Variants in TIAM2 observed in about 807,000 individuals in gnomAD.
TIAM2 encodes TIAM Rac1 associated GEF 2.
TIAM2 carries 80 observed loss-of-function variants against 152.9 expected under a neutral mutation model. That is an observed-to-expected ratio of 0.52 (90% CI 0.44 to 0.63). TIAM2 has a LOEUF of 0.63. TIAM2 is among the 30% of genes least tolerant of loss of function. The pLI is 0.00. For missense variants in TIAM2, 1,965 were observed against 2,120.1 expected (o/e 0.93, Z 1.44); for synonymous variants, 804 against 838.0 (o/e 0.96, Z 0.70).
intron 1 of TIAM2, among the ~76,000 whole-genome samples, chr6:155,076,269 T>C (rs1777958356): frequency 6.6e-6 from 1 of 152,184 alleles, no homozygotes; most frequent in Non-Finnish European, 1.5e-5. Context: ...GCTCAAATTA[T>C]ATTACTCTGT....
chr6:155,125,840 A>G (rs902438242), intron 2 of TIAM2, among the ~76,000 whole-genome samples: 2 of 152,308 alleles, frequency 1.3e-5, no homozygotes, highest in South Asian at 2.1e-4. Context: ...TCTGTCTCCA[A>G]AAAAAGAGAG....
chr6:155,125,777 G>T (rs1170247373), intron 2 of TIAM2, among the ~76,000 whole-genome samples: 1 of 152,012 alleles, frequency 6.6e-6, no homozygotes, highest in Non-Finnish European at 1.5e-5. Flanking sequence ...GGCGGAGGTT[G>T]CAGTGAGCCG....
intron 2 of TIAM2, among the ~76,000 whole-genome samples, chr6:155,097,775 G>A (rs576749592): frequency 1.3e-5 from 2 of 152,214 alleles, no homozygotes; most frequent in Admixed American, 6.5e-5. Context: ...TCTTCTGGCC[G>A]TTTCATATTT....
At chr6:155,161,291 A>T (rs1368555191) in intron 7 of TIAM2, among the ~76,000 whole-genome samples, 1 of 151,944 alleles carries the variant, frequency 6.6e-6, no homozygotes, top group Admixed American at 6.6e-5. Flanking sequence ...TGCTCAAGTG[A>T]TCCTCCCAAC....
chr6:155,254,549 C>T lies in TIAM2; in HGVS notation c.4444C>T (p.Arg1482Ter), dbSNP rs370090099. 1.5e-5 allele frequency: 24 copies of T among 1,612,422 alleles called. No homozygotes were observed. Among genetic ancestry groups the T allele is most frequent in the Non-Finnish European group, 2.0e-5 (23 of 1,178,678 alleles). The change falls in exon 26 of 27, where the codon CGA (arginine) becomes TGA (stop). Residue 1482 changes from arginine to a stop codon, truncating the protein, a stop_gained. Transcript: ENST00000682666. LOFTEE classifies it low-confidence loss of function (END_TRUNC). Reference sequence around the variant, plus strand: ...GGATCGCCTGGTACCTCTTAAGAACCGAGTTCCTGTTTCGGCCAAATTAGG... The same window carrying T: ...GGATCGCCTGGTACCTCTTAAGAACTGAGTTCCTGTTTCGGCCAAATTAGG... ...CKDRLVPLKN[R>*]VPVSAKLASS... is the part of the protein sequence containing the mutation.
At chr6:155,116,316 G>A (rs1779009416) in intron 2 of TIAM2, among the ~76,000 whole-genome samples, 1 of 152,086 alleles carries the variant, frequency 6.6e-6, no homozygotes, top group Admixed American at 6.6e-5. Context: ...GAAAATTTCA[G>A]CAATGATTGG....
intron 13 of TIAM2, 35 bp downstream of exon 13, chr6:155,182,353 A>T: frequency 1.3e-6 from 2 of 1,541,044 alleles, no homozygotes; most frequent in Non-Finnish European, 9.0e-7. Context: ...GTTGCCTCTT[A>T]ATTTGAAACT....
intron 25 of TIAM2, 118 bp downstream of exon 25, chr6:155,254,178 C>T: frequency 8.3e-7 from 1 of 1,200,580 alleles, no homozygotes; most frequent in South Asian, 1.5e-5. Context: ...TACTCCCCAC[C>T]CTCCGAAAAA....
chr6:155,172,087 A>G (rs540077115), intron 9 of TIAM2, among the ~76,000 whole-genome samples: 2 of 152,196 alleles, frequency 1.3e-5, no homozygotes, highest in Non-Finnish European at 2.9e-5. Context: ...GTAATTTGAC[A>G]TGTGGTTTCA....
rs1411469046 is a variant in TIAM2, at chr6:155,176,875, A to G, written c.2421A>G (p.Ala807=). The G allele has an allele frequency of 6.2e-7, 1 of 1,614,204 alleles. No homozygotes were observed. The highest frequency in any genetic ancestry group is 8.5e-7 in the Non-Finnish European group (1 of 1,180,002). ...TAGACGGTGTTCCCCGAGACAATGC[A>G]TGGGAAATCCAGACTTATGTCCACT... ...STVDGVPRDN[A]WEIQTYVHFQ... is the part of the protein sequence containing the mutation. The change falls in exon 10 of 27, where the codon GCA becomes GCG. Residue 807 remains alanine (A), a synonymous_variant. Coordinates refer to ENST00000682666, the MANE Select transcript of TIAM2 (RefSeq NM_012454.4).
At chr6:155,209,083 C>T (rs149398253) in intron 14 of TIAM2, among the ~76,000 whole-genome samples, 185 of 152,030 alleles carry the variant, frequency 1.2e-3, no homozygotes, top group African/African-American at 4.2e-3. Flanking sequence ...TTTAAGGGCC[C>T]AGGGAGAATT....
chr6:155,018,588 C>T (rs1157635950), intron 1 of TIAM2, among the ~76,000 whole-genome samples: 1 of 150,340 alleles, frequency 6.7e-6, no homozygotes, highest in East Asian at 2.0e-4. Context: ...CACTGCACTG[C>T]AGCCTGGGTG....
At position 155,186,591 on chromosome 6, in the gene TIAM2, T is replaced by C. The variant is rs989095404; in HGVS notation, c.3064+3091T>C. On this transcript the variant is annotated intron_variant, in intron 14 of 26. Transcript: ENST00000682666. The surrounding 1 kb of genome is among the most constrained non-coding windows in gnomAD (Gnocchi z 4.5). ...TTCTCCCCTGCCCCTGTGGTCCCTGTGAGTTTGGGGGAGTTCCTGTCTGTG... is the reference window on the plus strand; with the variant it reads ...TTCTCCCCTGCCCCTGTGGTCCCTGCGAGTTTGGGGGAGTTCCTGTCTGTG... 6.6e-6 allele frequency among the ~76,000 whole-genome samples: 1 copy of C among 152,190 alleles called. No individual in the cohort carries two copies. The highest frequency in any genetic ancestry group is 2.4e-5 in the African/African-American group (1 of 41,460).
chr6:155,092,990 G>T (rs1272710995), intron 2 of TIAM2, among the ~76,000 whole-genome samples: 1 of 152,194 alleles, frequency 6.6e-6, no homozygotes, highest in Non-Finnish European at 1.5e-5. Context: ...TCACCAGAAA[G>T]AATAGACTTG....
intron 15 of TIAM2, among the ~76,000 whole-genome samples, chr6:155,217,452 CAGGG>C (rs1781887956): frequency 6.6e-6 from 1 of 152,144 alleles, no homozygotes; most frequent in African/African-American, 2.4e-5. Context: ...CTTGAAAAGA[CAGGG>C]AGGAATAATT....
intron 14 of TIAM2, among the ~76,000 whole-genome samples, chr6:155,202,914 GT>G (rs941137271): frequency 6.7e-6 from 1 of 149,984 alleles, no homozygotes; most frequent in Non-Finnish European, 1.5e-5. Context: ...TTAGCCGGAT[GT>G]GGTGGCATGC....
chr6:155,141,661 T>A (rs990319205), intron 5 of TIAM2, among the ~76,000 whole-genome samples: 6 of 152,216 alleles, frequency 3.9e-5, no homozygotes, highest in African/African-American at 1.2e-4. Flanking sequence ...ACTGGGGACT[T>A]CCTGGGCTGA....
chr6:155,114,036 A>ATATATATATATATATATT, intron 2 of TIAM2, among the ~76,000 whole-genome samples: 20 of 34,894 alleles, frequency 5.7e-4, no homozygotes, highest in South Asian at 4.1e-3. Context: ...ATATATATAT[A>ATATATATATATATATATT]TTTTTTTTTT....
chr6:155,235,973 T>C (rs1782733453), intron 15 of TIAM2, among the ~76,000 whole-genome samples: 1 of 152,192 alleles, frequency 6.6e-6, no homozygotes, highest in Non-Finnish European at 1.5e-5. Flanking sequence ...GATCTTATTT[T>C]ATACAGTATA....
Sources: allele counts gnomAD v4.1 joint callset (sites outside exome capture counted in the v4.1 genomes callset), GRCh38; gene constraint gnomAD v4.1.1; non-coding constraint Gnocchi (gnomAD v3.1); transcripts MANE v1.5; gene names NCBI Gene and HGNC (gene_info 2026-07-23, HGNC 2026-07-21).